Variants in OTOGL observed in about 807,000 individuals in gnomAD.
OTOGL encodes the protein otogelin like.
OTOGL carries 285 observed loss-of-function variants against 318.5 expected under a neutral mutation model. That is an observed-to-expected ratio of 0.89 (90% CI 0.81 to 0.99). The LOEUF (loss-of-function observed/expected upper bound fraction) is 0.99, where lower values mean the gene tolerates loss of function less well. OTOGL is among the 50% of genes least tolerant of loss of function. The pLI, the probability that OTOGL is intolerant of heterozygous loss-of-function variation, is 0.00. For missense variants in OTOGL, 2,899 were observed against 2,845.6 expected, an observed-to-expected ratio of 1.02 and a Z score of -0.43; for synonymous variants, 987 against 936.5, an observed-to-expected ratio of 1.05 and a Z score of -0.99.
intron 37 of OTOGL, among the ~76,000 whole-genome samples, chr12:80,329,633 C>T (rs2034529): frequency 6.6e-6 from 1 of 152,244 alleles, no homozygotes; most frequent in South Asian, 2.1e-4. Flanking sequence ...TGGGCTCCTA[C>T]CCTTGCTTTC....
Position 80,271,673 on chromosome 12 carries a change from G to A in OTOGL, c.2544G>A (p.Glu848=), listed in dbSNP as rs747436019. The A allele has an allele frequency of 5.6e-6, 9 of 1,612,844 alleles. No homozygotes were observed. The highest frequency in any genetic ancestry group is 2.7e-5 in the African/African-American group (2 of 74,830). ...TTCACATCTGCCCAGAGGGAAAAGA[G>A]TATTTCGACTGCAGGTTTCCTGACC... The part of the protein sequence containing the change: ...SAVHICPEGK[E]YFDCRFPDPE... Residue 848 remains glutamate, a synonymous_variant, in exon 24 of 59, where the codon GAG becomes GAA. Transcript: ENST00000547103.
At chr12:80,146,633 G>T (rs1388801321) in intron 1 of OTOGL, among the ~76,000 whole-genome samples, 3,110 of 151,072 alleles carry the variant, frequency 0.021, 107 homozygotes, top group African/African-American at 0.073. Flanking sequence ...AGAAGGAATG[G>T]TATCAGTTCC....
rs748852971 is a variant in OTOGL, at chr12:80,217,584, T to C, written c.169-14T>C. On this transcript the variant is annotated splice_polypyrimidine_tract_variant and intron_variant, in intron 4 of 58. Transcript: ENST00000547103. Reference sequence around the variant, plus strand: ...AATTTAACTGTATTGCATTCTCATTTCTTTCTTTCAAAGTTTGAAGCTACT... The same window carrying C: ...AATTTAACTGTATTGCATTCTCATTCCTTTCTTTCAAAGTTTGAAGCTACT... 2 of 1,500,880 alleles carry C rather than the reference T, an allele frequency of 1.3e-6. No homozygotes were observed. Among genetic ancestry groups the C allele is most frequent in the Non-Finnish European group, 1.8e-6 (2 of 1,107,016 alleles). 93.0% of individuals were successfully genotyped at this position (1,500,880 alleles called of 1,614,324 possible). A position where few individuals can be genotyped will look rare whatever the true frequency, so the allele number is the denominator to read the frequency against.
In OTOGL at chr12:80,297,623, G is replaced by A. The variant is rs1053505389; in HGVS notation, c.3063+662G>A. Reference sequence around the variant, plus strand: ...GCTGGGATTACAGGCATGAGCCACCGTGTCCAGCCTTGTATATGTACATTT... The same window carrying A: ...GCTGGGATTACAGGCATGAGCCACCATGTCCAGCCTTGTATATGTACATTT... On this transcript the variant is annotated intron_variant, in intron 27 of 58. Coordinates refer to ENST00000547103, the MANE Select transcript of OTOGL (RefSeq NM_001378609.3). 5.9e-5 allele frequency among the ~76,000 whole-genome samples: 9 copies of A among 152,062 alleles called. No individual in the cohort carries two copies. In the South Asian group the frequency reaches 6.2e-4, roughly 11 times the overall value.
At chr12:80,275,680 A>G (rs570867415) in intron 24 of OTOGL, among the ~76,000 whole-genome samples, 4 of 151,852 alleles carry the variant, frequency 2.6e-5, no homozygotes, top group Non-Finnish European at 5.9e-5. Context: ...GAGTCAATCA[A>G]TGTGGCAAAC....
At position 80,355,759 on chromosome 12, in the gene OTOGL, C is replaced by T. The variant is rs141867785; in HGVS notation, c.5617C>T (p.Pro1873Ser). The T allele has an allele frequency of 1.2e-5, 19 of 1,613,640 alleles. No individual in the cohort carries two copies. The highest frequency in any genetic ancestry group is 1.6e-5 in the Non-Finnish European group (19 of 1,179,714). Residue 1873 changes from proline to serine, a missense_variant, in exon 47 of 59, where the codon CCC becomes TCC. Pro to Ser is a moderately conservative substitution (Grantham distance 74). Transcript: ENST00000547103. ...ECACTDSEDQ[P>S]RTAGEIWNGG... The stretch of plus-strand genomic sequence containing the variant: ...AGCATGCACTGATAGTGAAGACCAA[C>T]CCCGCACTGCTGGGGAGATTTGGAA...
At position 80,368,327 on chromosome 12, in the gene OTOGL, T is replaced by G; in HGVS notation, c.6615+18T>G. On this transcript the variant is annotated intron_variant, in intron 55 of 58. Transcript: ENST00000547103. ...TATACGCGGTATGTTTCATGGAGAG[T>G]AATGCTCTGTGCTATTTTCTGAAGG... 1 of 1,532,896 alleles carries G rather than the reference T, an allele frequency of 6.5e-7. No homozygotes were observed. Among genetic ancestry groups the G allele is most frequent in the Non-Finnish European group, 8.9e-7 (1 of 1,123,764 alleles). 95.0% of individuals were successfully genotyped at this position (1,532,896 alleles called of 1,614,324 possible).
intron 26 of OTOGL, among the ~76,000 whole-genome samples, chr12:80,283,529 A>G (rs746496897): frequency 3.9e-5 from 6 of 152,020 alleles, no homozygotes; most frequent in Admixed American, 1.3e-4. Context: ...ACTCATCTAG[A>G]TTGTGTATCA....
intron 6 of OTOGL, among the ~76,000 whole-genome samples, chr12:80,220,990 A>G (rs1878266569): frequency 6.6e-6 from 1 of 152,230 alleles, no homozygotes; most frequent in South Asian, 2.1e-4. Context: ...GGTGGGAATC[A>G]CAAAAATACA....
Position 80,358,679 on chromosome 12 carries a change from C to CCAAA in OTOGL, c.6132_6135dup (p.Leu2046LysfsTer32). The stretch of plus-strand genomic sequence containing the variant: ...GTAATTTTTCTTTTTAGTATGTGAA[C>CCAAA]CAAACCTTTGTCCTATGCCATTACT... On this transcript the variant is annotated frameshift_variant, in exon 51 of 59. Coordinates refer to ENST00000547103, the MANE Select transcript of OTOGL (RefSeq NM_001378609.3). LOFTEE classifies it high-confidence loss of function. 4.3e-6 allele frequency: 7 copies of CCAAA among 1,609,410 alleles called. No individual in the cohort carries two copies. The highest frequency in any genetic ancestry group is 5.9e-6 in the Non-Finnish European group (7 of 1,177,366).
chr12:80,343,529 T>TC (rs1268715266), intron 44 of OTOGL: 1 of 140,612 alleles, frequency 7.1e-6, no homozygotes, highest in South Asian at 2.3e-4. Flanking sequence ...TTTTTTTTTT[T>TC]TTTTTTTAAC....
chr12:80,302,374 C>T (rs922763789), intron 27 of OTOGL, among the ~76,000 whole-genome samples: 1 of 152,214 alleles, frequency 6.6e-6, no homozygotes, highest in African/African-American at 2.4e-5. Flanking sequence ...CTCTTCCCCA[C>T]ATGTAACTGA....
chr12:80,330,414 A>T lies in OTOGL; in HGVS notation c.4348+1295A>T, dbSNP rs148535655. Among the ~76,000 whole-genome samples, 34 of 152,308 alleles carry T rather than the reference A, an allele frequency of 2.2e-4. No individual in the cohort carries two copies. The East Asian group carries it at 6.0e-3, about 27-fold the overall frequency. ...TTTTAGGCATCAGTGAATTTAGTAT[A>T]GTTTAAAGCATGCTTTGGGAGAAGG... On this transcript the variant is annotated intron_variant, in intron 37 of 58. Coordinates refer to ENST00000547103, the MANE Select transcript of OTOGL (RefSeq NM_001378609.3).
At chr12:80,347,117 T>A (rs1472755925) in intron 44 of OTOGL, among the ~76,000 whole-genome samples, 1 of 152,184 alleles carries the variant, frequency 6.6e-6, no homozygotes, top group East Asian at 1.9e-4. Flanking sequence ...GACAGTTTAA[T>A]AGATGCTTCT....
At chr12:80,107,840 G>A (rs902325580) in intron 1 of OTOGL, among the ~76,000 whole-genome samples, 7 of 152,032 alleles carry the variant, frequency 4.6e-5, no homozygotes, top group African/African-American at 1.7e-4. Context: ...GTAAACTAAT[G>A]CAGGAACAGA....
At chr12:80,336,178 T>G (rs1592722424) in intron 39 of OTOGL, 38 bp downstream of exon 39, 1 of 1,528,162 alleles carries the variant, frequency 6.5e-7, no homozygotes, top group East Asian at 2.3e-5. Flanking sequence ...CTTTTTTTTT[T>G]TTTTTTAATC....
chr12:80,260,457 C>A (rs1882434623), intron 18 of OTOGL, among the ~76,000 whole-genome samples: 1 of 152,062 alleles, frequency 6.6e-6, no homozygotes. Flanking sequence ...TCTAAGGCAC[C>A]AGTCCCCGCC....
At chr12:80,298,784 G>C (rs943604237) in intron 27 of OTOGL, among the ~76,000 whole-genome samples, 1 of 152,296 alleles carries the variant, frequency 6.6e-6, no homozygotes, top group East Asian at 1.9e-4. Context: ...GGAGTGTCCT[G>C]ATCAGCTGCC....
chr12:80,181,347 C>T lies in OTOGL; in HGVS notation c.-19-28066C>T, dbSNP rs566046049. On this transcript the variant is annotated intron_variant, in intron 1 of 58. Coordinates refer to ENST00000547103, the MANE Select transcript of OTOGL (RefSeq NM_001378609.3). The stretch of plus-strand genomic sequence containing the variant: ...TAAATTTACTTCTCTCTCTCTCTCT[C>T]TCTCTCTGTAATAATTACCTTACAG... 9.9e-5 allele frequency among the ~76,000 whole-genome samples: 15 copies of T among 151,826 alleles called. No homozygotes were observed. The South Asian group carries it at 3.1e-3, about 32-fold the overall frequency.
Sources: gnomAD v4.1 joint callset for allele counts (sites outside exome capture counted in the v4.1 genomes callset) on GRCh38, gnomAD v4.1.1 for gene constraint, MANE v1.5 for transcripts, NCBI Gene and HGNC (gene_info 2026-07-23, HGNC 2026-07-21) for gene names.